Variants in IPO11 observed in about 807,000 individuals in gnomAD.
IPO11 encodes importin 11.
In IPO11, 66 loss-of-function variants were observed where a neutral mutation model predicts 143.2. The observed-to-expected ratio is 0.46, with a 90% CI of 0.38 to 0.57. The LOEUF (loss-of-function observed/expected upper bound fraction) is 0.57, where lower values mean the gene tolerates loss of function less well. Ranked by LOEUF, IPO11 falls within the 20% of genes least tolerant of loss-of-function variation. The pLI, the probability that IPO11 is intolerant of heterozygous loss-of-function variation, is 0.00. For missense variants in IPO11, 1,026 were observed against 1,141.0 expected, an observed-to-expected ratio of 0.90 and a Z score of 1.45; for synonymous variants, 385 against 377.8, an observed-to-expected ratio of 1.02 and a Z score of -0.22.
At chr5:62,580,428 TA>T in intron 27 of IPO11, 3 of 1,551,396 alleles carry the variant, frequency 1.9e-6, no homozygotes, top group Non-Finnish European at 2.6e-6. Flanking sequence ...TGAAGATCCT[TA>T]ATCTGTCATT....
At chr5:62,601,927 A>G (rs1745520909) in intron 29 of IPO11, 79 bp downstream of exon 29, 10 of 826,100 alleles carry the variant, frequency 1.2e-5, no homozygotes, top group Admixed American at 5.8e-5. Flanking sequence ...TCTATGGTCT[A>G]TTTGTCCATC....
intron 1 of IPO11, among the ~76,000 whole-genome samples, chr5:62,422,117 C>A (rs1490179815): frequency 6.6e-6 from 1 of 151,862 alleles, no homozygotes; most frequent in African/African-American, 2.4e-5. Context: ...TTTTCATATC[C>A]AAGAAGGAAC....
chr5:62,586,509 T>G (rs1744778051), intron 27 of IPO11, among the ~76,000 whole-genome samples: 1 of 152,002 alleles, frequency 6.6e-6, no homozygotes. Flanking sequence ...CTTTTTGATT[T>G]GTTCTTAAAA....
At chr5:62,473,585 CTAGAGT>C (rs1173016665) in intron 7 of IPO11, among the ~76,000 whole-genome samples, 1 of 152,002 alleles carries the variant, frequency 6.6e-6, no homozygotes. Flanking sequence ...TTGTGGCATT[CTAGAGT>C]TAATTATTTT....
chr5:62,483,323 T>A (rs374202843), intron 10 of IPO11, 30 bp downstream of exon 10: 1 of 1,332,298 alleles, frequency 7.5e-7, no homozygotes, highest in Non-Finnish European at 1.0e-6. Flanking sequence ...TTTAAAAGAA[T>A]TATTTTAATC....
intron 27 of IPO11, among the ~76,000 whole-genome samples, chr5:62,587,639 G>A (rs1038893451): frequency 1.3e-5 from 2 of 152,104 alleles, no homozygotes; most frequent in African/African-American, 4.8e-5. Context: ...GAATGTAAAA[G>A]GATACTGACA....
At chr5:62,565,211 A>G (rs868568359) in intron 27 of IPO11, among the ~76,000 whole-genome samples, 5 of 152,310 alleles carry the variant, frequency 3.3e-5, no homozygotes, top group Middle Eastern at 3.4e-3. Context: ...CAGGCCAGGC[A>G]CAGTGGGCTC....
chr5:62,519,888 A>G (rs1376414687), intron 20 of IPO11, among the ~76,000 whole-genome samples: 3 of 152,150 alleles, frequency 2.0e-5, no homozygotes, highest in Non-Finnish European at 4.4e-5. Flanking sequence ...GATTTGTAGG[A>G]CTAAGGTCCC....
intron 15 of IPO11, among the ~76,000 whole-genome samples, chr5:62,491,344 G>A (rs12653311): frequency 1.1e-4 from 16 of 152,070 alleles, no homozygotes; most frequent in Non-Finnish European, 1.8e-4. Context: ...TCCTATAGGC[G>A]GTGTTAAATA....
At chr5:62,498,120 A>G (rs1363713669) in intron 16 of IPO11, among the ~76,000 whole-genome samples, 1 of 151,186 alleles carries the variant, frequency 6.6e-6, no homozygotes, top group African/African-American at 2.4e-5. Flanking sequence ...ATACCCACAA[A>G]TTTTTCATAG....
intron 27 of IPO11, chr5:62,581,294 A>T: frequency 6.6e-7 from 1 of 1,515,072 alleles, no homozygotes; most frequent in Non-Finnish European, 8.8e-7. Context: ...CTTTTTGAAC[A>T]TTCTGCTTTA....
At chr5:62,579,325 A>G (rs1744449289) in intron 27 of IPO11, 16 of 910,922 alleles carry the variant, frequency 1.8e-5, no homozygotes, top group Non-Finnish European at 2.3e-5. Context: ...AATAGAATAC[A>G]GAAGTTATAG....
chr5:62,620,622 CAGTT>C (rs544143555), intron 29 of IPO11, among the ~76,000 whole-genome samples: 118 of 151,322 alleles, frequency 7.8e-4, no homozygotes, highest in South Asian at 4.2e-4. Context: ...TTCTGGTTGA[CAGTT>C]GGTTGAGTTT....
intron 2 of IPO11, among the ~76,000 whole-genome samples, chr5:62,437,688 C>T (rs1352702317): frequency 1.3e-5 from 2 of 152,182 alleles, no homozygotes; most frequent in African/African-American, 2.4e-5. Flanking sequence ...AAAGTGTCTA[C>T]TATCAGGACT....
At chr5:62,495,082 C>G (rs186526113) in intron 16 of IPO11, among the ~76,000 whole-genome samples, 22 of 152,078 alleles carry the variant, frequency 1.4e-4, no homozygotes, top group African/African-American at 5.3e-4. Context: ...ACAATACATT[C>G]CAAAGGCAAA....
At chr5:62,430,182 C>T (rs139839429) in intron 1 of IPO11, among the ~76,000 whole-genome samples, 1 of 152,296 alleles carries the variant, frequency 6.6e-6, no homozygotes, top group East Asian at 1.9e-4. Context: ...ATTCATTTCT[C>T]TTGACTGTAT....
rs200279099 is a variant in IPO11, at chr5:62,565,411, G to A, written c.2582+4154G>A. On this transcript the variant is annotated intron_variant, in intron 27 of 29. Coordinates refer to ENST00000325324, the MANE Select transcript of IPO11 (RefSeq NM_016338.5). ...TGAGGCAGGAGAATTGCTTGAACCC[G>A]GGAGGCAGAGGTTGCAGTTAGCCAG... 2.0e-4 allele frequency among the ~76,000 whole-genome samples: 31 copies of A among 152,212 alleles called. No individual in the cohort carries two copies. The East Asian group carries it at 6.0e-3, about 29-fold the overall frequency.
At chr5:62,492,640 C>T (rs1242241511) in intron 15 of IPO11, among the ~76,000 whole-genome samples, 2 of 152,106 alleles carry the variant, frequency 1.3e-5, no homozygotes, top group Non-Finnish European at 2.9e-5. Context: ...GCTTCCTGGG[C>T]TCAAGTGATC....
chr5:62,547,067 C>G (rs1743228145), intron 24 of IPO11, among the ~76,000 whole-genome samples: 2 of 152,226 alleles, frequency 1.3e-5, no homozygotes, highest in Middle Eastern at 6.8e-3. Context: ...TTGAATCTAA[C>G]TGTTACGATG....
Sources: gnomAD v4.1 joint callset for allele counts (sites outside exome capture counted in the v4.1 genomes callset) on GRCh38, gnomAD v4.1.1 for gene constraint, MANE v1.5 for transcripts, NCBI Gene and HGNC (gene_info 2026-07-23, HGNC 2026-07-21) for gene names.